The following PI4K2A variants were observed in gnomAD, a reference collection of about 807,000 sequenced individuals.
PI4K2A encodes the protein phosphatidylinositol 4-kinase type 2 alpha.
In PI4K2A, 20 loss-of-function variants were observed where a neutral mutation model predicts 55.0. The ratio of observed to expected loss-of-function variants is 0.36; its 90% confidence interval spans 0.26 to 0.53. The LOEUF is 0.53. Among genes scored for constraint, PI4K2A ranks in the 20% least tolerant of loss-of-function variants. PI4K2A has a pLI of 0.91. For missense variants in PI4K2A, 463 were observed against 637.1 expected (o/e 0.73, Z 2.94); for synonymous variants, 235 against 258.5 (o/e 0.91, Z 0.87).
chr10:97,665,685 T>C (rs1288624211), intron 6 of PI4K2A, among the ~76,000 whole-genome samples: 9 of 152,128 alleles, frequency 5.9e-5, no homozygotes, highest in East Asian at 1.9e-4. Context: ...CTCCTCCTCC[T>C]GGGTTCACAC....
chr10:97,675,687 G>C (rs887439835), exon 9 of PI4K2A: 4 of 152,612 alleles, frequency 2.6e-5, no homozygotes, highest in Non-Finnish European at 5.9e-5. Context: ...TCTTGATCCA[G>C]ACCAGCTCTG....
chr10:97,652,832 ATATT>A (rs1395037328), intron 2 of PI4K2A, among the ~76,000 whole-genome samples: 1 of 152,202 alleles, frequency 6.6e-6, no homozygotes, highest in Non-Finnish European at 1.5e-5. Flanking sequence ...GCAAAATACT[ATATT>A]TATAGTAAGC....
At chr10:97,647,520 T>C (rs2041511209) in intron 1 of PI4K2A, among the ~76,000 whole-genome samples, 1 of 152,212 alleles carries the variant, frequency 6.6e-6, no homozygotes, top group Admixed American at 6.5e-5. Context: ...CATTGGAAAT[T>C]AGGCCAGAGG....
intron 4 of PI4K2A, among the ~76,000 whole-genome samples, chr10:97,659,190 C>T (rs2041569256): frequency 6.6e-6 from 1 of 151,442 alleles, no homozygotes; most frequent in African/African-American, 2.5e-5. Context: ...GTGAGGACCA[C>T]GCCTGGCTAG....
chr10:97,643,511 C>T (rs1411714644), intron 1 of PI4K2A, among the ~76,000 whole-genome samples: 2 of 152,090 alleles, frequency 1.3e-5, no homozygotes, highest in Non-Finnish European at 2.9e-5. Flanking sequence ...AAAGTACTAC[C>T]ATCTCAGTAC....
At chr10:97,647,915 C>CTT (rs5787251) in intron 1 of PI4K2A, among the ~76,000 whole-genome samples, 4 of 149,320 alleles carry the variant, frequency 2.7e-5, no homozygotes, top group Non-Finnish European at 4.4e-5. Context: ...GTTCTGCTTG[C>CTT]TTTTTTTTTG....
intron 1 of PI4K2A, among the ~76,000 whole-genome samples, chr10:97,647,325 GA>G (rs975380051): frequency 1.3e-5 from 2 of 151,768 alleles, no homozygotes; most frequent in East Asian, 3.8e-4. Flanking sequence ...TCTATTAAGA[GA>G]AAAAAAACAC....
At chr10:97,665,492 T>G (rs2041605392) in intron 6 of PI4K2A, among the ~76,000 whole-genome samples, 2 of 152,218 alleles carry the variant, frequency 1.3e-5, no homozygotes, top group South Asian at 4.1e-4. Context: ...CAGGCTGTTC[T>G]TGAACTCCTG....
At chr10:97,642,889 C>T (rs1262560166) in intron 1 of PI4K2A, among the ~76,000 whole-genome samples, 3 of 115,702 alleles carry the variant, frequency 2.6e-5, no homozygotes, top group South Asian at 2.7e-4. Flanking sequence ...TTCTTTCTTC[C>T]TTCCTTCCTT....
intron 1 of PI4K2A, among the ~76,000 whole-genome samples, chr10:97,642,165 T>C (rs1012614286): frequency 2.6e-5 from 4 of 152,180 alleles, no homozygotes; most frequent in Non-Finnish European, 5.9e-5. Flanking sequence ...GTGTGAACTC[T>C]TTAGATGGCC....
chr10:97,654,512 A>AG (rs1442715962), intron 2 of PI4K2A, among the ~76,000 whole-genome samples: 1 of 152,218 alleles, frequency 6.6e-6, no homozygotes, highest in Non-Finnish European at 1.5e-5. Context: ...TACAAGGCTT[A>AG]GGAAAATACC....
intron 1 of PI4K2A, among the ~76,000 whole-genome samples, chr10:97,649,870 C>G (rs1466050062): frequency 2.6e-5 from 4 of 151,900 alleles, no homozygotes; most frequent in Admixed American, 6.6e-5. Flanking sequence ...GTTATCTGCC[C>G]ACCTTGGCCT....
At chr10:97,666,812 T>C (rs1266460276) in intron 7 of PI4K2A, among the ~76,000 whole-genome samples, 3 of 152,260 alleles carry the variant, frequency 2.0e-5, no homozygotes, top group East Asian at 3.9e-4. Context: ...GTGGCTGCAA[T>C]GTATCTGCAG....
At chr10:97,641,214 G>A in intron 1 of PI4K2A, 37 bp downstream of exon 1, 1 of 1,523,038 alleles carries the variant, frequency 6.6e-7, no homozygotes, top group Non-Finnish European at 8.9e-7. Context: ...CGCGGGCTGA[G>A]GGCCGGCGGC....
intron 2 of PI4K2A, among the ~76,000 whole-genome samples, chr10:97,654,784 G>C (rs1398592895): frequency 4.8e-5 from 7 of 146,206 alleles, no homozygotes; most frequent in Non-Finnish European, 8.9e-5. Context: ...TGCATATGTG[G>C]ATTACAATTA....
intron 4 of PI4K2A, among the ~76,000 whole-genome samples, chr10:97,661,851 A>ATT (rs11293508): frequency 0.028 from 3,541 of 125,980 alleles, 148 homozygotes; most frequent in East Asian, 0.15. Context: ...TTCAGGTTTG[A>ATT]TTTTTTTTTT....
At chr10:97,648,597 C>T (rs1178234580) in intron 1 of PI4K2A, among the ~76,000 whole-genome samples, 1 of 152,194 alleles carries the variant, frequency 6.6e-6, no homozygotes, top group Non-Finnish European at 1.5e-5. Flanking sequence ...AGTGTCTTGG[C>T]CTCCTTTTCA....
rs1315841074 is a variant in PI4K2A at position 97,663,828 on chromosome 10, A to T, written c.984+860A>T. On this transcript the variant is annotated intron_variant, in intron 5 of 8. Coordinates refer to ENST00000370631, the Ensembl canonical transcript of PI4K2A. ...GAGCAAGACTCTGTCTCAAAAATTA[A>T]AAAAAAAAAAAAAAAAAAGAGACAG... 1.9e-4 allele frequency among the ~76,000 whole-genome samples: 9 copies of T among 48,314 alleles called. No individual in the cohort carries two copies. The East Asian group carries it at 3.3e-3, about 18-fold the overall frequency. 31.7% of individuals were successfully genotyped at this position (48,314 alleles called of 152,430 possible). A position where few individuals can be genotyped will look rare whatever the true frequency, so the allele number is the denominator to read the frequency against.
chr10:97,656,264 A>G lies in PI4K2A; in HGVS notation c.637-21A>G, dbSNP rs773389401. 1.9e-5 allele frequency: 31 copies of G among 1,606,368 alleles called. No homozygotes were observed. In the South Asian group the frequency reaches 3.2e-4, roughly 17 times the overall value. ...CCTTAAACTTGACTCTAACCTTAGTATCTCTTCTCTTTCACTGTAGGTAGT... is the reference window on the plus strand; with the variant it reads ...CCTTAAACTTGACTCTAACCTTAGTGTCTCTTCTCTTTCACTGTAGGTAGT... On this transcript the variant is annotated intron_variant, in intron 2 of 8. Transcript: ENST00000370631. This position sits in a 1 kb window ranked among gnomAD's most constrained non-coding sequence, Gnocchi z 4.5.
Sources: allele counts gnomAD v4.1 joint callset (sites outside exome capture counted in the v4.1 genomes callset), GRCh38; gene constraint gnomAD v4.1.1; non-coding constraint Gnocchi (gnomAD v3.1); transcripts MANE v1.5; gene names NCBI Gene and HGNC (gene_info 2026-07-23, HGNC 2026-07-21).